The following EXOC4 variants were observed in gnomAD, a reference collection of about 807,000 sequenced individuals.
EXOC4 encodes exocyst complex component 4.
Under a neutral mutation model 107.2 loss-of-function variants are expected in EXOC4, and 71 were observed. The observed-to-expected ratio is 0.66, with a 90% CI of 0.55 to 0.81. The LOEUF (loss-of-function observed/expected upper bound fraction) is 0.81. EXOC4 is among the 30% of genes least tolerant of loss of function. The pLI is 0.00. For missense variants in EXOC4, 1,108 were observed against 1,189.6 expected (o/e 0.93, Z 1.01); for synonymous variants, 456 against 441.2 (o/e 1.03, Z -0.42).
At chr7:133,694,123 G>A (rs766981886) in intron 10 of EXOC4, among the ~76,000 whole-genome samples, 4 of 151,970 alleles carry the variant, frequency 2.6e-5, no homozygotes, top group Admixed American at 2.0e-4. Context: ...AATTAGCTGG[G>A]CGTTGTGTGT....
At chr7:133,862,545 T>A (rs1261041074) in intron 11 of EXOC4, among the ~76,000 whole-genome samples, 2 of 152,130 alleles carry the variant, frequency 1.3e-5, no homozygotes, top group African/African-American at 4.8e-5. Flanking sequence ...GCATTTATTT[T>A]GGGGTTTGAT....
chr7:133,455,742 G>T (rs1310069998), intron 7 of EXOC4, among the ~76,000 whole-genome samples: 2 of 152,104 alleles, frequency 1.3e-5, no homozygotes, highest in Non-Finnish European at 2.9e-5. Context: ...TGCATAATTG[G>T]CAGTCCATAG....
chr7:133,279,088 C>A (rs373738173), intron 2 of EXOC4, among the ~76,000 whole-genome samples: 1 of 149,322 alleles, frequency 6.7e-6, no homozygotes, highest in Non-Finnish European at 1.5e-5. Flanking sequence ...TTTGTCCTTG[C>A]GATAGTTTGC....
At chr7:133,469,929 CAACACATTCCTGAG>C (rs1798830508) in intron 7 of EXOC4, among the ~76,000 whole-genome samples, 1 of 152,286 alleles carries the variant, frequency 6.6e-6, no homozygotes, top group South Asian at 2.1e-4. Flanking sequence ...ATGTATTCCC[CAACACATTCCTGAG>C]AAAGATAATT....
chr7:133,976,326 T>A (rs1585293718), intron 14 of EXOC4, among the ~76,000 whole-genome samples: 1 of 152,340 alleles, frequency 6.6e-6, no homozygotes, highest in East Asian at 1.9e-4. Flanking sequence ...TAAGACAAGT[T>A]GTGATAAGAA....
chr7:133,530,998 C>T (rs1800172176), intron 9 of EXOC4, among the ~76,000 whole-genome samples: 1 of 152,086 alleles, frequency 6.6e-6, no homozygotes, highest in Non-Finnish European at 1.5e-5. Context: ...GCCTTTCTGA[C>T]ATCGTGGCCA....
At chr7:133,607,883 C>T (rs988329689) in intron 9 of EXOC4, among the ~76,000 whole-genome samples, 1 of 152,118 alleles carries the variant, frequency 6.6e-6, no homozygotes, top group East Asian at 1.9e-4. Flanking sequence ...CAAAGAAGCA[C>T]GGCTCTGAAA....
At chr7:133,506,712 C>G (rs977835375) in intron 9 of EXOC4, among the ~76,000 whole-genome samples, 4 of 151,970 alleles carry the variant, frequency 2.6e-5, no homozygotes, top group Admixed American at 1.3e-4. Flanking sequence ...TTCTTTTCAT[C>G]CTTGACATCA....
rs1554475071 is a variant in EXOC4 at position 133,584,578 on chromosome 7, T to TTG, written c.1418-45466_1418-45465insGT. Among the ~76,000 whole-genome samples, 19 of 134,312 alleles carry TTG rather than the reference T, an allele frequency of 1.4e-4. 1 individual carries two copies. The highest frequency in any genetic ancestry group is 3.8e-3 in the Middle Eastern group (1 of 266). The allele number at this position is 134,312 out of a possible 152,430, so 88.1% of individuals were successfully genotyped here. A position where few individuals can be genotyped will look rare whatever the true frequency, so the allele number is the denominator to read the frequency against. On this transcript the variant is annotated intron_variant, in intron 9 of 17. Coordinates refer to ENST00000253861, the MANE Select transcript of EXOC4 (RefSeq NM_021807.4). ...CTTTGTTTTTTACGTATTTCAGTTT[T>TTG]TTTTTTGTTTTTTTTTTTGAGACAG...
At chr7:133,512,803 C>A (rs1360932301) in intron 9 of EXOC4, among the ~76,000 whole-genome samples, 1 of 152,152 alleles carries the variant, frequency 6.6e-6, no homozygotes, top group Non-Finnish European at 1.5e-5. Flanking sequence ...GTTGATCATT[C>A]TCATCTTCAG....
intron 10 of EXOC4, among the ~76,000 whole-genome samples, chr7:133,678,466 A>G (rs1483247081): frequency 6.6e-6 from 1 of 152,208 alleles, no homozygotes; most frequent in African/African-American, 2.4e-5. Flanking sequence ...TCTTAAAGTA[A>G]CGAATTTCTC....
chr7:133,844,589 C>T (rs766018008), intron 11 of EXOC4, among the ~76,000 whole-genome samples: 2 of 151,710 alleles, frequency 1.3e-5, no homozygotes, highest in Non-Finnish European at 2.9e-5. Context: ...GTGGTTTCAC[C>T]GTGTTGGCCA....
intron 10 of EXOC4, among the ~76,000 whole-genome samples, chr7:133,656,315 TTAA>T (rs1803294193): frequency 6.6e-6 from 1 of 152,108 alleles, no homozygotes; most frequent in Admixed American, 6.6e-5. Flanking sequence ...TGAAAATAAA[TTAA>T]TGAGTTTGAA....
At chr7:133,935,458 C>T (rs1800278162) in intron 13 of EXOC4, among the ~76,000 whole-genome samples, 1 of 152,134 alleles carries the variant, frequency 6.6e-6, no homozygotes, top group Admixed American at 6.5e-5. Flanking sequence ...ATAATGGATA[C>T]TGGGTAGGCA....
In EXOC4 at chr7:133,832,577, T is replaced by C. The variant is rs1797833029; in HGVS notation, c.1734+15033T>C. Among the ~76,000 whole-genome samples, 3 of 152,232 alleles carry C rather than the reference T, an allele frequency of 2.0e-5. No individual in the cohort carries two copies. The South Asian group carries it at 6.2e-4, about 31-fold the overall frequency. On this transcript the variant is annotated intron_variant, in intron 11 of 17. Coordinates refer to ENST00000253861, the MANE Select transcript of EXOC4 (RefSeq NM_021807.4). The stretch of plus-strand genomic sequence containing the variant: ...CAAGAAGTAGCTTTTTCAGACTGGC[T>C]TCTTACACTCAGCAATATGCTTAAG...
chr7:133,967,903 TG>T (rs1257563773), intron 14 of EXOC4, among the ~76,000 whole-genome samples: 1 of 152,160 alleles, frequency 6.6e-6, no homozygotes, highest in East Asian at 1.9e-4. Context: ...TCTGTCTCGT[TG>T]ATCTGTCTGA....
intron 9 of EXOC4, among the ~76,000 whole-genome samples, chr7:133,514,086 T>C (rs1799825148): frequency 6.6e-6 from 1 of 152,222 alleles, no homozygotes; most frequent in African/African-American, 2.4e-5. Flanking sequence ...TTAATGGTAT[T>C]GATAATATTT....
intron 17 of EXOC4, among the ~76,000 whole-genome samples, chr7:134,013,237 T>G (rs776938162): frequency 2.6e-4 from 40 of 152,184 alleles, no homozygotes; most frequent in Admixed American, 1.3e-4. Flanking sequence ...TGACAGTATG[T>G]CTATGTGCCC....
intron 8 of EXOC4, 113 bp downstream of exon 8, chr7:133,475,586 T>A: frequency 1.1e-6 from 1 of 921,434 alleles, no homozygotes; most frequent in Non-Finnish European, 1.6e-6. Context: ...TTGAAGTAAT[T>A]TAGAGGAAGT....
Sources: allele counts gnomAD v4.1 joint callset (sites outside exome capture counted in the v4.1 genomes callset), GRCh38; gene constraint gnomAD v4.1.1; transcripts MANE v1.5; gene names NCBI Gene and HGNC (gene_info 2026-07-23, HGNC 2026-07-21).